The following SHISA9 variants were observed in gnomAD, a reference collection of about 807,000 sequenced individuals.
The protein encoded by SHISA9 is shisa family member 9.
In SHISA9, 13 loss-of-function variants were observed where a neutral mutation model predicts 38.0. The ratio of observed to expected loss-of-function variants is 0.34; its 90% confidence interval spans 0.22 to 0.54. The LOEUF is 0.54. Ranked by LOEUF, SHISA9 falls within the 20% of genes least tolerant of loss-of-function variation. SHISA9 has a pLI of 0.91. For synonymous variants in SHISA9, 275 were observed against 242.0 expected, an observed-to-expected ratio of 1.14 and a Z score of -1.27; for missense variants, 538 against 575.8, an observed-to-expected ratio of 0.93 and a Z score of 0.67.
intron 2 of SHISA9, among the ~76,000 whole-genome samples, chr16:13,029,172 AAG>A (rs1405047427): frequency 1.3e-5 from 2 of 152,234 alleles, no homozygotes; most frequent in Non-Finnish European, 2.9e-5. Context: ...CAGTATATCA[AAG>A]AGAGATCTGT....
chr16:13,142,036 T>G (rs1323217770), intron 2 of SHISA9, among the ~76,000 whole-genome samples: 1 of 152,214 alleles, frequency 6.6e-6, no homozygotes, highest in Non-Finnish European at 1.5e-5. Context: ...CTGCACAAGT[T>G]GAAATAAACA....
chr16:13,240,809 A>G (rs888776966), downstream of SHISA9, among the ~76,000 whole-genome samples: 1 of 152,088 alleles, frequency 6.6e-6, no homozygotes, highest in Non-Finnish European at 1.5e-5. Context: ...TTCTTCCCCT[A>G]TTTATTAAAT....
chr16:13,039,029 C>G (rs1459565233), intron 2 of SHISA9, among the ~76,000 whole-genome samples: 1 of 152,156 alleles, frequency 6.6e-6, no homozygotes, highest in Admixed American at 6.5e-5. Flanking sequence ...CTGCCTCAGC[C>G]TCCCGAGTAG....
At chr16:13,401,151 AGTGCCTAT>A in the SHISA9 span, among the ~76,000 whole-genome samples, 1 of 152,236 alleles carries the variant, frequency 6.6e-6, no homozygotes, top group African/African-American at 2.4e-5. Context: ...GAATTTGTTG[AGTGCCTAT>A]GTGCCAGAAA....
At chr16:12,940,683 T>C (rs936786561) in intron 2 of SHISA9, among the ~76,000 whole-genome samples, 8 of 152,216 alleles carry the variant, frequency 5.3e-5, no homozygotes, top group African/African-American at 1.7e-4. Flanking sequence ...AGATGCTTTG[T>C]CCTTTGTCTC....
At chr16:13,156,879 G>C (rs553559894) in intron 2 of SHISA9, among the ~76,000 whole-genome samples, 1 of 152,098 alleles carries the variant, frequency 6.6e-6, no homozygotes. Context: ...TCATCTTTGC[G>C]CTTCTCCACA....
intron 4 of SHISA9, among the ~76,000 whole-genome samples, chr16:13,214,978 A>T (rs1479220868): frequency 1.3e-5 from 2 of 152,046 alleles, no homozygotes; most frequent in African/African-American, 4.8e-5. Context: ...TCAAAAGATT[A>T]TTCTGGCTTC....
At chr16:13,561,031 T>C in the SHISA9 span, among the ~76,000 whole-genome samples, 1 of 152,042 alleles carries the variant, frequency 6.6e-6, no homozygotes, top group Non-Finnish European at 1.5e-5. Context: ...TCCCGGCTAA[T>C]TTTTGTATTT....
At chr16:13,289,665 A>G in the SHISA9 span, among the ~76,000 whole-genome samples, 1 of 151,766 alleles carries the variant, frequency 6.6e-6, no homozygotes, top group African/African-American at 2.4e-5. Flanking sequence ...CAAGAGCTAG[A>G]GAGAGAGAGA....
chr16:13,407,430 A>G, the SHISA9 span, among the ~76,000 whole-genome samples: 1 of 152,164 alleles, frequency 6.6e-6, no homozygotes, highest in Non-Finnish European at 1.5e-5. Context: ...TGGGGGCTCT[A>G]TTCTCATGAC....
the SHISA9 span, among the ~76,000 whole-genome samples, chr16:13,324,770 C>T: frequency 1.3e-5 from 2 of 152,202 alleles, no homozygotes; most frequent in East Asian, 3.9e-4. Context: ...GAACATGTGC[C>T]TGAAGTGATT....
the SHISA9 span, chr16:13,350,513 C>T: frequency 6.6e-6 from 1 of 152,214 alleles, no homozygotes; most frequent in Non-Finnish European, 1.5e-5. Flanking sequence ...CTGATTAATA[C>T]AGCTTCTAAA....
At chr16:13,085,652 A>AC (rs2141941305) in intron 2 of SHISA9, among the ~76,000 whole-genome samples, 1 of 152,316 alleles carries the variant, frequency 6.6e-6, no homozygotes, top group Admixed American at 6.5e-5. Flanking sequence ...GTGTAGGTGC[A>AC]CCGCCTGGGT....
chr16:13,357,043 T>C, the SHISA9 span, among the ~76,000 whole-genome samples: 1 of 151,950 alleles, frequency 6.6e-6, no homozygotes, highest in Non-Finnish European at 1.5e-5. Flanking sequence ...AGCTTACCTA[T>C]AGTGAAGGAG....
At chr16:13,365,176 C>T in the SHISA9 span, among the ~76,000 whole-genome samples, 1 of 152,182 alleles carries the variant, frequency 6.6e-6, no homozygotes, top group Admixed American at 6.5e-5. Flanking sequence ...AGCATCACCT[C>T]ATGGAGATTT....
At chr16:13,339,957 C>G in the SHISA9 span, among the ~76,000 whole-genome samples, 1 of 152,138 alleles carries the variant, frequency 6.6e-6, no homozygotes, top group African/African-American at 2.4e-5. Context: ...TAATTGGACT[C>G]TGCTATTATT....
At chr16:13,367,712 G>GCGCGCGCACACACA in the SHISA9 span, among the ~76,000 whole-genome samples, 4 of 104,640 alleles carry the variant, frequency 3.8e-5, no homozygotes, top group South Asian at 8.1e-4. Context: ...GCGCGCGCGC[G>GCGCGCGCACACACA]CACACACACA....
intron 2 of SHISA9, among the ~76,000 whole-genome samples, chr16:13,015,384 A>G (rs970613116): frequency 2.0e-5 from 3 of 152,230 alleles, no homozygotes; most frequent in African/African-American, 4.8e-5. Flanking sequence ...TTGAAAGGCA[A>G]TGCTGCCATT....
In SHISA9 at chr16:13,036,969, T is replaced by C. The variant is rs28556602; in HGVS notation, c.691+120154T>C. Among the ~76,000 whole-genome samples the C allele has an allele frequency of 6.6e-3, 1,012 of 152,182 alleles. 14 individuals carry two copies. Among genetic ancestry groups the C allele is most frequent in the African/African-American group, 0.023 (962 of 41,516 alleles). ...TTAGTCTCACCAACCACTTGTAAAT[T>C]AAAGACTATTATTATCCTTACTTTG... is the stretch of plus-strand genomic sequence containing the variant. On this transcript the variant is annotated intron_variant, in intron 2 of 4. Coordinates refer to ENST00000558583, the MANE Select transcript of SHISA9 (RefSeq NM_001145204.3).
Sources: allele counts gnomAD v4.1 joint callset (sites outside exome capture counted in the v4.1 genomes callset), GRCh38; gene constraint gnomAD v4.1.1; transcripts MANE v1.5; gene names NCBI Gene and HGNC (gene_info 2026-07-23, HGNC 2026-07-21).